KLRB1: variants seen among roughly 807,000 people sequenced by gnomAD.
KLRB1 encodes the protein killer cell lectin-like receptor subfamily B member 1.
In KLRB1, 27 loss-of-function variants were observed where a neutral mutation model predicts 33.5. The observed-to-expected ratio is 0.81, with a 90% confidence interval of 0.59 to 1.11. The LOEUF (loss-of-function observed/expected upper bound fraction) is 1.11, where lower values mean the gene tolerates loss of function less well. Among genes scored for constraint, KLRB1 ranks in the 50% most tolerant of loss-of-function variants. The pLI, the probability that KLRB1 is intolerant of heterozygous loss-of-function variation, is 0.00. For synonymous variants in KLRB1, 64 were observed against 88.9 expected, an observed-to-expected ratio of 0.72 and a Z score of 1.58; for missense variants, 241 against 254.1, an observed-to-expected ratio of 0.95 and a Z score of 0.35.
intron 1 of KLRB1, among the ~76,000 whole-genome samples, chr12:9,606,773 T>TTTTTTTTTTTTTTTA: frequency 7.4e-6 from 1 of 135,586 alleles, no homozygotes; most frequent in Non-Finnish European, 1.6e-5. Context: ...TTTTTTTTTT[T>TTTTTTTTTTTTTTTA]TTTGAGATAG....
chr12:9,603,598 ATTTTT>A (rs35214620), intron 1 of KLRB1, among the ~76,000 whole-genome samples: 50 of 136,528 alleles, frequency 3.7e-4, no homozygotes, highest in Admixed American at 1.8e-3. Flanking sequence ...CTAATTTTGT[ATTTTT>A]TTTTTTTTTT....
At chr12:9,607,355 C>CCTTTCTTTCTTTCTTTCTTTCTTTTT (rs1864626120) in intron 1 of KLRB1, among the ~76,000 whole-genome samples, 2 of 52,706 alleles carry the variant, frequency 3.8e-5, no homozygotes, top group African/African-American at 1.0e-4. Context: ...TTTCTTTCTT[C>CCTTTCTTTCTTTCTTTCTTTCTTTTT]CTTTCTTTCT....
chr12:9,607,355 C>CTTCCTTTCCTTCTTTCTTT (rs1555097796), intron 1 of KLRB1, among the ~76,000 whole-genome samples: 2 of 52,706 alleles, frequency 3.8e-5, no homozygotes, highest in Non-Finnish European at 8.7e-5. Flanking sequence ...TTTCTTTCTT[C>CTTCCTTTCCTTCTTTCTTT]CTTTCTTTCT....
At chr12:9,607,702 G>T in intron 1 of KLRB1, 53 bp downstream of exon 1, 1 of 1,139,170 alleles carries the variant, frequency 8.8e-7, no homozygotes, top group Non-Finnish European at 1.3e-6. Context: ...GTAACAGGAA[G>T]ATCTAATTCT....
At chr12:9,607,647 T>C in intron 1 of KLRB1, 108 bp downstream of exon 1, 1 of 764,044 alleles carries the variant, frequency 1.3e-6, no homozygotes, top group South Asian at 1.7e-5. Flanking sequence ...AACATTAATA[T>C]AAAACTACTG....
chr12:9,601,076 A>G (rs1208755470), intron 2 of KLRB1, among the ~76,000 whole-genome samples: 1 of 101,304 alleles, frequency 9.9e-6, no homozygotes, highest in East Asian at 2.8e-4. Context: ...GCGGGCAGCA[A>G]TACTGCTTTG....
intron 1 of KLRB1, among the ~76,000 whole-genome samples, chr12:9,607,371 T>TCTTTCTTTCTTTCTTTCTTTCTTTC (rs1864628144): frequency 1.3e-5 from 1 of 78,300 alleles, no homozygotes; most frequent in African/African-American, 3.7e-5. Flanking sequence ...TTTCTTTCTT[T>TCTTTCTTTCTTTCTTTCTTTCTTTC]CTTTCTTTCT....
At position 9,607,871 on chromosome 12, in the gene KLRB1, G is replaced by A. The variant is rs1316962123; in HGVS notation, c.-32C>T. On this transcript the variant is annotated 5_prime_UTR_variant, in exon 1 of 6. Transcript: ENST00000229402. Reference sequence around the variant, plus strand: ...CAGAGGAAGGTGGCATTAAACTTGTGTGTAAGAACAAACTCTCAATTCTGT... The same window carrying A: ...CAGAGGAAGGTGGCATTAAACTTGTATGTAAGAACAAACTCTCAATTCTGT... The A allele has an allele frequency of 6.8e-7, 1 of 1,475,344 alleles. No homozygotes were observed. 91.4% of individuals were successfully genotyped at this position (1,475,344 alleles called of 1,614,324 possible).
chr12:9,599,415 T>A (rs11051841), intron 3 of KLRB1, among the ~76,000 whole-genome samples: 10,423 of 152,266 alleles, frequency 0.068, 568 homozygotes, highest in African/African-American at 0.15. Context: ...GTTCTATCAA[T>A]TAACTTCAGA....
chr12:9,606,954 G>A (rs1750965093), intron 1 of KLRB1, among the ~76,000 whole-genome samples: 1 of 150,904 alleles, frequency 6.6e-6, no homozygotes, highest in African/African-American at 2.4e-5. Context: ...ATGAGGTTTT[G>A]CCACATTGCC....
intron 1 of KLRB1, among the ~76,000 whole-genome samples, chr12:9,602,356 T>G (rs1454838644): frequency 6.6e-6 from 1 of 152,166 alleles, no homozygotes; most frequent in Non-Finnish European, 1.5e-5. Flanking sequence ...TGTTATAAAT[T>G]AATCGCAACT....
At chr12:9,607,396 C>CTTTCTTTCTTTCTTTCTTTCT (rs1864630532) in intron 1 of KLRB1, among the ~76,000 whole-genome samples, 1 of 93,756 alleles carries the variant, frequency 1.1e-5, no homozygotes, top group African/African-American at 3.7e-5. Context: ...TTCTTTCTTT[C>CTTTCTTTCTTTCTTTCTTTCT]TTTCTTTCTT....
intron 1 of KLRB1, among the ~76,000 whole-genome samples, chr12:9,606,704 TA>T (rs1864604803): frequency 1.4e-5 from 1 of 71,966 alleles, no homozygotes; most frequent in Non-Finnish European, 2.9e-5. Context: ...TATATATATA[TA>T]TAAAATATAT....
chr12:9,598,306 C>T (rs749446045), intron 4 of KLRB1, 145 bp from the exon 5 acceptor site: 2 of 732,206 alleles, frequency 2.7e-6, no homozygotes, highest in South Asian at 3.6e-5. Context: ...ATATTTCTGT[C>T]TATGTTTTTA....
At position 9,603,707 on chromosome 12, in the gene KLRB1, A is replaced by G. The variant is rs748660600; in HGVS notation, c.86-2108T>C. Among the ~76,000 whole-genome samples the G allele has an allele frequency of 2.0e-5, 3 of 151,504 alleles. No homozygotes were observed. The East Asian group carries it at 5.8e-4, about 29-fold the overall frequency. On this transcript the variant is annotated intron_variant, in intron 1 of 5. Transcript: ENST00000229402. ...CGCCTCAGCCTCCCAAAGTGCTGGG[A>G]TTACATACGTGAGCCACCGCACCCA...
chr12:9,605,317 T>G (rs573321104), intron 1 of KLRB1, among the ~76,000 whole-genome samples: 75 of 152,356 alleles, frequency 4.9e-4, no homozygotes, highest in African/African-American at 1.8e-3. Context: ...TGTGTCTTTA[T>G]AGCAGCATGA....
chr12:9,603,889 A>G (rs922108150), intron 1 of KLRB1, among the ~76,000 whole-genome samples: 1 of 152,156 alleles, frequency 6.6e-6, no homozygotes, highest in African/African-American at 2.4e-5. Flanking sequence ...TCATCTGTGA[A>G]ATGTGGAATA....
intron 5 of KLRB1, among the ~76,000 whole-genome samples, chr12:9,597,602 G>A (rs1275051806): frequency 6.6e-6 from 1 of 152,026 alleles, no homozygotes; most frequent in Non-Finnish European, 1.5e-5. Flanking sequence ...TTGTCACAAC[G>A]TGGGTGTCTG....
At chr12:9,605,575 T>A (rs142851955) in intron 1 of KLRB1, among the ~76,000 whole-genome samples, 216 of 152,358 alleles carry the variant, frequency 1.4e-3, no homozygotes, top group African/African-American at 4.9e-3. Flanking sequence ...AAACACCTTA[T>A]CCACTTTTCT....
Sources: gnomAD v4.1 joint callset for allele counts (sites outside exome capture counted in the v4.1 genomes callset) on GRCh38, gnomAD v4.1.1 for gene constraint, MANE v1.5 for transcripts, NCBI Gene and HGNC (gene_info 2026-07-23, HGNC 2026-07-21) for gene names.